ADAM32: variants seen among roughly 807,000 people sequenced by gnomAD.
The protein encoded by ADAM32 is ADAM metallopeptidase domain 32.
A neutral mutation model predicts 114.9 loss-of-function variants in ADAM32; 89 were observed. That is an observed-to-expected ratio of 0.77 (90% CI 0.65 to 0.92). ADAM32 has a LOEUF of 0.92. ADAM32 is among the 40% of genes least tolerant of loss of function. The pLI is 0.00. For synonymous variants in ADAM32, 285 were observed against 307.5 expected (o/e 0.93, Z 0.77); for missense variants, 870 against 932.8 (o/e 0.93, Z 0.88).
chr8:39,118,392 A>G (rs1340142225), intron 2 of ADAM32, among the ~76,000 whole-genome samples: 1 of 152,074 alleles, frequency 6.6e-6, no homozygotes, highest in Non-Finnish European at 1.5e-5. Flanking sequence ...AAAAGTTTAC[A>G]TATAGAAGAG....
At chr8:39,150,325 T>G (rs1803747525) in intron 5 of ADAM32, among the ~76,000 whole-genome samples, 1 of 152,120 alleles carries the variant, frequency 6.6e-6, no homozygotes, top group Non-Finnish European at 1.5e-5. Context: ...GGGTAATCTT[T>G]TATCTTCTCA....
At chr8:39,155,452 G>A (rs1470746504) in intron 6 of ADAM32, among the ~76,000 whole-genome samples, 3 of 152,180 alleles carry the variant, frequency 2.0e-5, no homozygotes, top group Non-Finnish European at 4.4e-5. Context: ...ATTGAGAGAG[G>A]CCAAACATGT....
chr8:39,246,281 C>A, intron 17 of ADAM32, 115 bp downstream of exon 17: 1 of 799,060 alleles, frequency 1.3e-6, no homozygotes, highest in South Asian at 1.7e-5. Flanking sequence ...TTGCATCTAG[C>A]TTCAATTGAG....
intron 24 of ADAM32, 22 bp downstream of exon 24, chr8:39,283,646 T>C: frequency 6.4e-7 from 1 of 1,568,934 alleles, no homozygotes. Flanking sequence ...AGAAGGTGTT[T>C]CTTAAAATAA....
chr8:39,108,444 A>C (rs1403919568), intron 1 of ADAM32, among the ~76,000 whole-genome samples: 2 of 152,220 alleles, frequency 1.3e-5, no homozygotes, highest in East Asian at 1.9e-4. Flanking sequence ...TGCAGTCTAC[A>C]CTATTTTGTT....
intron 20 of ADAM32, among the ~76,000 whole-genome samples, chr8:39,273,759 C>A (rs1585700426): frequency 6.7e-6 from 1 of 150,366 alleles, no homozygotes; most frequent in South Asian, 2.1e-4. Context: ...AGAAGTCTTT[C>A]CTTGCTGTGA....
At chr8:39,249,624 A>G (rs1402414925) in intron 17 of ADAM32, among the ~76,000 whole-genome samples, 4 of 152,234 alleles carry the variant, frequency 2.6e-5, no homozygotes, top group African/African-American at 7.2e-5. Flanking sequence ...TAGTGAACCC[A>G]TCTCAGCAAA....
chr8:39,108,680 C>T (rs1840028620), intron 1 of ADAM32, among the ~76,000 whole-genome samples: 1 of 152,150 alleles, frequency 6.6e-6, no homozygotes, highest in African/African-American at 2.4e-5. Context: ...CATATCCAAA[C>T]ATTTTACTTG....
chr8:39,216,466 C>T (rs1808575190), intron 12 of ADAM32, among the ~76,000 whole-genome samples: 1 of 151,704 alleles, frequency 6.6e-6, no homozygotes, highest in African/African-American at 2.4e-5. Context: ...TTCTTCCTTT[C>T]CTTTCCCCTT....
intron 4 of ADAM32, among the ~76,000 whole-genome samples, chr8:39,147,587 A>G (rs1306401793): frequency 1.3e-5 from 2 of 151,974 alleles, no homozygotes; most frequent in South Asian, 2.1e-4. Flanking sequence ...TTATACATCC[A>G]TAAATCCTAC....
Position 39,147,114 on chromosome 8 carries a change from CTT to C in ADAM32, c.201-10_201-9del, listed in dbSNP as rs565878650. On this transcript the variant is annotated splice_polypyrimidine_tract_variant and intron_variant, in intron 3 of 24. Transcript: ENST00000379907. ...AAAAGAATAATTAAAAAAATTTCCT[CTT>C]TTTTTATATTCAGATATTTTTTAGC... 3.2e-6 allele frequency: 3 copies of C among 941,866 alleles called. No individual in the cohort carries two copies. The highest frequency in any genetic ancestry group is 4.2e-5 in the Admixed American group (1 of 23,984). 58.3% of individuals were successfully genotyped at this position (941,866 alleles called of 1,614,324 possible). A position where few individuals can be genotyped will look rare whatever the true frequency, so the allele number is the denominator to read the frequency against.
At chr8:39,176,183 C>T (rs968233484) in intron 10 of ADAM32, among the ~76,000 whole-genome samples, 6 of 152,088 alleles carry the variant, frequency 3.9e-5, no homozygotes, top group South Asian at 2.1e-4. Flanking sequence ...GTCTCTATCT[C>T]CTTCAGTTCT....
chr8:39,248,188 A>G (rs1811053137), intron 17 of ADAM32, among the ~76,000 whole-genome samples: 1 of 152,158 alleles, frequency 6.6e-6, no homozygotes, highest in African/African-American at 2.4e-5. Context: ...TTGTGCCTCC[A>G]TAGAAACTTT....
intron 11 of ADAM32, among the ~76,000 whole-genome samples, chr8:39,208,201 T>C (rs1213218724): frequency 6.6e-6 from 1 of 152,196 alleles, no homozygotes; most frequent in Non-Finnish European, 1.5e-5. Context: ...GTTCAAGATA[T>C]TGCCTTTATC....
chr8:39,270,763 T>A (rs534119368), intron 19 of ADAM32, 113 bp from the exon 20 acceptor site: 3 of 808,468 alleles, frequency 3.7e-6, no homozygotes, highest in African/African-American at 1.8e-5. Context: ...TTTTATTTTT[T>A]AATAATTAGT....
intron 16 of ADAM32, among the ~76,000 whole-genome samples, chr8:39,241,715 C>T (rs1810565832): frequency 6.6e-6 from 1 of 152,214 alleles, no homozygotes; most frequent in Non-Finnish European, 1.5e-5. Flanking sequence ...GCCTGGCCCA[C>T]AAAGTCATTT....
rs1812372717 is a variant in ADAM32, at chr8:39,266,576, C to G, written c.2163-4300C>G. ...AACTCTTCGACCATGTTGCTGTGTT[C>G]CTTGGCTTGAGTTTCGACCTTCTGT... is the stretch of plus-strand genomic sequence containing the variant. On this transcript the variant is annotated intron_variant, in intron 19 of 24. Transcript: ENST00000379907. Among the ~76,000 whole-genome samples the G allele has an allele frequency of 1.3e-5, 2 of 152,090 alleles. 1 individual carries two copies. The highest frequency in any genetic ancestry group is 4.1e-4 in the South Asian group (2 of 4,822).
chr8:39,173,075 T>C, intron 10 of ADAM32, among the ~76,000 whole-genome samples: 1 of 152,166 alleles, frequency 6.6e-6, no homozygotes, highest in East Asian at 1.9e-4. Flanking sequence ...CTGACCAACA[T>C]GGTGAAACCT....
intron 12 of ADAM32, among the ~76,000 whole-genome samples, chr8:39,215,055 T>C (rs996618194): frequency 1.3e-5 from 2 of 152,114 alleles, no homozygotes; most frequent in Admixed American, 1.3e-4. Flanking sequence ...TATATTTCTG[T>C]ACCATATCAT....
Sources: allele counts gnomAD v4.1 joint callset (sites outside exome capture counted in the v4.1 genomes callset), GRCh38; gene constraint gnomAD v4.1.1; transcripts MANE v1.5; gene names NCBI Gene and HGNC (gene_info 2026-07-23, HGNC 2026-07-21).